Variants in NAV3 observed in about 807,000 individuals in gnomAD.
The protein encoded by NAV3 is pore membrane and/or filament interacting like protein 1.
A neutral mutation model predicts 244.7 loss-of-function variants in NAV3; 87 were observed. The observed-to-expected ratio is 0.36, with a 90% CI of 0.30 to 0.42. NAV3 has a LOEUF of 0.42. Ranked by LOEUF, NAV3 falls within the 20% of genes least tolerant of loss-of-function variation. NAV3 has a pLI of 1.00. For synonymous variants in NAV3, 1,126 were observed against 1,042.2 expected (o/e 1.08, Z -1.55); for missense variants, 2,663 against 2,893.3 (o/e 0.92, Z 1.83).
chr12:77,953,804 G>T (rs1891117466), intron 3 of NAV3, among the ~76,000 whole-genome samples: 1 of 152,174 alleles, frequency 6.6e-6, no homozygotes, highest in Non-Finnish European at 1.5e-5. Context: ...AATGATCCCT[G>T]CTCAGCTTTG....
chr12:77,964,843 T>C (rs1363840008), intron 3 of NAV3, among the ~76,000 whole-genome samples: 3 of 152,154 alleles, frequency 2.0e-5, no homozygotes, highest in Admixed American at 6.5e-5. Context: ...TTGGCTGTGG[T>C]CATTTTTAAG....
chr12:78,081,233 T>G (rs1953333695), intron 12 of NAV3, among the ~76,000 whole-genome samples: 1 of 152,226 alleles, frequency 6.6e-6, no homozygotes, highest in Non-Finnish European at 1.5e-5. Flanking sequence ...TTATTTTGAC[T>G]ACCAGGAATG....
At position 77,691,333 on chromosome 12, in the gene NAV3, G is replaced by GTACATA. The variant is rs1214933751; in HGVS notation, c.72+119068_72+119069insACATAT. Among the ~76,000 whole-genome samples, 83 of 100,932 alleles carry GTACATA rather than the reference G, an allele frequency of 8.2e-4. 6 individuals are homozygous for GTACATA. The highest frequency in any genetic ancestry group is 2.9e-3 in the African/African-American group (75 of 26,104). The allele number at this position is 100,932 out of a possible 152,430, so 66.2% of individuals were successfully genotyped here. A position where few individuals can be genotyped will look rare whatever the true frequency, so the allele number is the denominator to read the frequency against. The stretch of plus-strand genomic sequence containing the variant: ...TAGTCATATATAAGTATTTGTGTAT[G>GTACATA]TGTGTATATATATATATATATACAT... On this transcript the variant is annotated intron_variant, in intron 2 of 8. Coordinates refer to the NAV3 transcript ENST00000550042.
intron 8 of NAV3, among the ~76,000 whole-genome samples, chr12:78,019,954 T>C (rs1258511816): frequency 6.6e-6 from 1 of 152,186 alleles, no homozygotes; most frequent in Non-Finnish European, 1.5e-5. Flanking sequence ...TTTATATACA[T>C]TGGGAATTCA....
intron 2 of NAV3, among the ~76,000 whole-genome samples, chr12:77,735,421 A>G (rs968678176): frequency 6.6e-6 from 1 of 152,134 alleles, no homozygotes; most frequent in African/African-American, 2.4e-5. Context: ...CACTGCTCAC[A>G]CTAGGAGCTC....
At chr12:77,685,498 C>CAA (rs1157542081) in intron 2 of NAV3, among the ~76,000 whole-genome samples, 15 of 148,140 alleles carry the variant, frequency 1.0e-4, no homozygotes, top group Admixed American at 4.0e-4. Flanking sequence ...CACACACACA[C>CAA]ACACACACAT....
intron 2 of NAV3, among the ~76,000 whole-genome samples, chr12:77,674,874 G>T (rs1399970476): frequency 6.6e-6 from 1 of 152,206 alleles, no homozygotes; most frequent in African/African-American, 2.4e-5. Context: ...GGAAAAGAAA[G>T]TTGAGTGCCA....
At chr12:77,991,046 G>A (rs1446895724) in intron 5 of NAV3, among the ~76,000 whole-genome samples, 4 of 151,742 alleles carry the variant, frequency 2.6e-5, no homozygotes, top group African/African-American at 9.7e-5. Flanking sequence ...TATTTTTTCT[G>A]AGAGAGTCTC....
At position 78,177,157 on chromosome 12, in the gene NAV3, A is replaced by G; in HGVS notation, c.5141A>G (p.Lys1714Arg). Residue 1714 changes from lysine to arginine, a missense_variant, in exon 27 of 40, where the codon AAA becomes AGA. Lys to Arg is a conservative substitution (Grantham distance 26, BLOSUM62 2). This residue lies in a region of NAV3 where 193 missense variants were observed against 200.7 expected (regional missense o/e 0.96). Transcript: ENST00000397909. Reference protein sequence around the residue: ...SRGSELRSSFKQAFGKKKSTK... With the variant: ...SRGSELRSSFRQAFGKKKSTK... ...TTGTTTCAGCTGAGAAGTTCTTTCA[A>G]ACAAGCCTTTGGGAAGAAAAAGTCC... 1.2e-6 allele frequency: 2 copies of G among 1,613,422 alleles called. No individual in the cohort carries two copies. The highest frequency in any genetic ancestry group is 1.7e-6 in the Non-Finnish European group (2 of 1,179,564).
Position 78,148,916 on chromosome 12 carries a change from A to C in NAV3, c.4782A>C (p.Ala1594=), listed in dbSNP as rs531654905. The C allele has an allele frequency of 6.2e-7, 1 of 1,610,680 alleles. No homozygotes were observed. The highest frequency in any genetic ancestry group is 8.5e-7 in the Non-Finnish European group (1 of 1,177,686). The change falls in exon 22 of 40, where the codon GCA becomes GCC. Residue 1594 remains alanine (A), a synonymous_variant. Transcript: ENST00000397909. The stretch of plus-strand genomic sequence containing the variant: ...CTACCCTCACATCTCAGCTTTCAGC[A>C]AATGTAAGTCACTTCATTTTTAAAA... ...KVATLTSQLS[A]NAHLVAAFEK... is the part of the protein sequence containing the mutation.
At chr12:77,807,646 T>C (rs376627127) in intron 2 of NAV3, among the ~76,000 whole-genome samples, 2 of 152,200 alleles carry the variant, frequency 1.3e-5, no homozygotes, top group South Asian at 4.1e-4. Flanking sequence ...AATCTGACGA[T>C]TACGTGCCTT....
At chr12:77,824,241 A>ATTTTTTTTTTT (rs61710960) in intron 2 of NAV3, among the ~76,000 whole-genome samples, 776 of 104,864 alleles carry the variant, frequency 7.4e-3, no homozygotes, top group African/African-American at 0.018. Flanking sequence ...GCCCAACTAA[A>ATTTTTTTTTTT]TTTTTTTTTT....
rs71088358 is a variant in NAV3, at chr12:78,092,491, C to CTTTTT, written c.2637-24259_2637-24255dup. Among the ~76,000 whole-genome samples the CTTTTT allele has an allele frequency of 3.6e-4, 23 of 64,010 alleles. 1 individual carries two copies. Among genetic ancestry groups the CTTTTT allele is most frequent in the Non-Finnish European group, 5.5e-4 (18 of 32,532 alleles). The allele number at this position is 64,010 out of a possible 152,430, so 42.0% of individuals were successfully genotyped here. A position where few individuals can be genotyped will look rare whatever the true frequency, so the allele number is the denominator to read the frequency against. On this transcript the variant is annotated intron_variant, in intron 12 of 39. Transcript: ENST00000397909. ...ACCCTTTGAAAGCGTTAGTTATTTT[C>CTTTTT]TTTTTTTTTTTTTTTTTTTTTTTTT...
rs182374883 is a variant in NAV3 at position 77,626,811 on chromosome 12, G to A, written c.72+54545G>A. ...GTCATTAGGACTTAAATGCTTAAGG[G>A]AGTCATTAGGACTTCTGGGTAAAAA... On this transcript the variant is annotated intron_variant, in intron 2 of 8. Coordinates refer to the NAV3 transcript ENST00000550042. Among the ~76,000 whole-genome samples the A allele has an allele frequency of 3.9e-5, 6 of 152,258 alleles. No individual in the cohort carries two copies. In the East Asian group the frequency reaches 9.6e-4, roughly 24 times the overall value.
intron 23 of NAV3, among the ~76,000 whole-genome samples, chr12:78,160,210 G>C (rs1038736347): frequency 1.3e-5 from 2 of 152,156 alleles, no homozygotes; most frequent in Non-Finnish European, 2.9e-5. Flanking sequence ...GAAAGGAACG[G>C]AGAATTTAGT....
At chr12:77,622,198 C>T (rs1305873333) in intron 2 of NAV3, among the ~76,000 whole-genome samples, 9 of 152,168 alleles carry the variant, frequency 5.9e-5, no homozygotes, top group African/African-American at 1.9e-4. Flanking sequence ...CTCACCCTGT[C>T]TCCCAGGCTG....
intron 2 of NAV3, among the ~76,000 whole-genome samples, chr12:77,806,950 T>C (rs912039107): frequency 7.2e-5 from 11 of 152,238 alleles, no homozygotes; most frequent in Non-Finnish European, 1.5e-4. Context: ...TGATCTTTGT[T>C]GGTCTCTGAT....
intron 1 of NAV3, among the ~76,000 whole-genome samples, chr12:77,894,096 C>G (rs1884283224): frequency 6.6e-6 from 1 of 152,178 alleles, no homozygotes; most frequent in Admixed American, 6.5e-5. Context: ...TCAGCTTCCT[C>G]CTTACCTCCT....
At chr12:78,193,030 A>C (rs1453291336) in intron 34 of NAV3, among the ~76,000 whole-genome samples, 1 of 152,154 alleles carries the variant, frequency 6.6e-6, no homozygotes, top group African/African-American at 2.4e-5. Context: ...TGAGGCATGA[A>C]ATAATAAATC....
Sources: allele counts gnomAD v4.1 joint callset (sites outside exome capture counted in the v4.1 genomes callset), GRCh38; gene constraint gnomAD v4.1.1; regional missense constraint gnomAD v4.1.1; transcripts MANE v1.5; gene names NCBI Gene and HGNC (gene_info 2026-07-23, HGNC 2026-07-21).